The following CRTAM variants were observed in gnomAD, a reference collection of about 807,000 sequenced individuals.
CRTAM encodes the protein cytotoxic and regulatory T cell molecule.
In CRTAM, 44 loss-of-function variants were observed where a neutral mutation model predicts 50.0. The ratio of observed to expected loss-of-function variants is 0.88; its 90% confidence interval spans 0.69 to 1.13. The LOEUF (loss-of-function observed/expected upper bound fraction) is 1.13. CRTAM is among the 50% of genes most tolerant of loss of function. The pLI is 0.00. For missense variants in CRTAM, 448 were observed against 457.5 expected, an observed-to-expected ratio of 0.98 and a Z score of 0.19; for synonymous variants, 159 against 169.3, an observed-to-expected ratio of 0.94 and a Z score of 0.47.
At chr11:122,852,562 T>C (rs886562660) in intron 3 of CRTAM, among the ~76,000 whole-genome samples, 1 of 152,166 alleles carries the variant, frequency 6.6e-6, no homozygotes, top group Non-Finnish European at 1.5e-5. Flanking sequence ...CCTGTTGAAT[T>C]ACTGCAGTGT....
At chr11:122,843,610 C>T (rs541189498) in intron 1 of CRTAM, among the ~76,000 whole-genome samples, 1 of 152,226 alleles carries the variant, frequency 6.6e-6, no homozygotes, top group South Asian at 2.1e-4. Context: ...TGGGGATGTA[C>T]ATGTCTCTAG....
intron 5 of CRTAM, among the ~76,000 whole-genome samples, chr11:122,858,995 T>A (rs1177292058): frequency 6.6e-6 from 1 of 152,160 alleles, no homozygotes; most frequent in East Asian, 1.9e-4. Flanking sequence ...CTTATATAGG[T>A]GATGTCTGTC....
At chr11:122,857,157 T>C (rs117319306) in intron 5 of CRTAM, among the ~76,000 whole-genome samples, 2 of 152,216 alleles carry the variant, frequency 1.3e-5, no homozygotes, top group African/African-American at 4.8e-5. Flanking sequence ...CTCAAAATTA[T>C]AGCTAAAGAT....
At chr11:122,853,125 G>A (rs1335542988) in intron 3 of CRTAM, among the ~76,000 whole-genome samples, 3 of 151,136 alleles carry the variant, frequency 2.0e-5, no homozygotes, top group African/African-American at 4.9e-5. Context: ...GTGCAGTGGC[G>A]CAAACTCGGC....
intron 1 of CRTAM, among the ~76,000 whole-genome samples, chr11:122,846,015 A>G (rs1473181449): frequency 6.6e-6 from 1 of 152,140 alleles, no homozygotes; most frequent in Non-Finnish European, 1.5e-5. Context: ...TAAAGAGAAA[A>G]AAAACAATGA....
intron 9 of CRTAM, among the ~76,000 whole-genome samples, chr11:122,870,344 G>T (rs530707594): frequency 4.6e-5 from 7 of 152,120 alleles, no homozygotes; most frequent in African/African-American, 1.4e-4. Context: ...GCCTCCCAAA[G>T]TGCTGGGATT....
At chr11:122,848,582 G>T (rs1394831649) in intron 1 of CRTAM, among the ~76,000 whole-genome samples, 1 of 152,208 alleles carries the variant, frequency 6.6e-6, no homozygotes, top group Admixed American at 6.5e-5. Flanking sequence ...ATTTCTGCTA[G>T]AGGCTAGATT....
At chr11:122,839,078 GCCA>G (rs1861768642) in intron 1 of CRTAM, among the ~76,000 whole-genome samples, 1 of 151,896 alleles carries the variant, frequency 6.6e-6, no homozygotes, top group Non-Finnish European at 1.5e-5. Context: ...ACAGGTGCCC[GCCA>G]CCACCACGCC....
intron 1 of CRTAM, among the ~76,000 whole-genome samples, chr11:122,846,994 A>C (rs1244619485): frequency 6.6e-6 from 1 of 152,194 alleles, no homozygotes; most frequent in Non-Finnish European, 1.5e-5. Flanking sequence ...TTTCTTTGTA[A>C]AGCAAGAGTC....
intron 1 of CRTAM, among the ~76,000 whole-genome samples, chr11:122,844,517 T>C (rs1297513675): frequency 6.6e-6 from 1 of 152,244 alleles, no homozygotes; most frequent in Non-Finnish European, 1.5e-5. Flanking sequence ...TCCAGTAGCT[T>C]CCTTCCTGTT....
intron 5 of CRTAM, among the ~76,000 whole-genome samples, chr11:122,860,565 A>G (rs922021233): frequency 1.3e-5 from 2 of 152,188 alleles, no homozygotes; most frequent in African/African-American, 4.8e-5. Context: ...GTAAATACAG[A>G]GTCTAGTTTT....
chr11:122,867,668 T>C (rs1862197204), intron 8 of CRTAM, 113 bp downstream of exon 8: 1 of 1,067,510 alleles, frequency 9.4e-7, no homozygotes, highest in Middle Eastern at 2.4e-4. Context: ...ATCTATTTGA[T>C]AAGTGCTGTC....
intron 1 of CRTAM, among the ~76,000 whole-genome samples, chr11:122,841,452 G>A (rs993137374): frequency 2.7e-5 from 4 of 149,992 alleles, no homozygotes; most frequent in South Asian, 2.1e-4. Flanking sequence ...CCAGGCTGGA[G>A]TGCAGTGGTG....
rs533016781 is a variant in CRTAM at position 122,855,799 on chromosome 11, C to T, written c.595C>T (p.Arg199Ter). ...GKNSTVDCII[R>*]HRGLQGRKLV... ...AAATTCAACGGTGGACTGCATTATC[C>T]GACACAGAGGCCTGCAAGGGAGAAA... Residue 199 changes from arginine (R) to a stop codon, truncating the protein, a stop_gained, in exon 5 of 10, where the codon CGA (arginine) becomes TGA (stop). Transcript: ENST00000227348. LOFTEE classifies it high-confidence loss of function. 1.4e-5 allele frequency: 23 copies of T among 1,613,898 alleles called. No homozygotes were observed. The highest frequency in any genetic ancestry group is 6.6e-5 in the South Asian group (6 of 91,080).
Position 122,867,950 on chromosome 11 carries a change from A to G in CRTAM, c.965-63A>G, listed in dbSNP as rs1209497931. 4 of 1,000,672 alleles carry G rather than the reference A, an allele frequency of 4.0e-6. No individual in the cohort carries two copies. In the African/African-American group the frequency reaches 6.4e-5, roughly 16 times the overall value. The allele number at this position is 1,000,672 out of a possible 1,614,324, so 62.0% of individuals were successfully genotyped here. On this transcript the variant is annotated intron_variant, in intron 8 of 9. Coordinates refer to ENST00000227348, the MANE Select transcript of CRTAM (RefSeq NM_019604.4). Reference sequence around the variant, plus strand: ...CAGTAACAGAGGTATTATCTTATTCAAATATACATTTCTACATGTCCATGG... The same window carrying G: ...CAGTAACAGAGGTATTATCTTATTCGAATATACATTTCTACATGTCCATGG...
At chr11:122,845,258 A>G (rs562106561) in intron 1 of CRTAM, among the ~76,000 whole-genome samples, 1 of 152,318 alleles carries the variant, frequency 6.6e-6, no homozygotes, top group African/African-American at 2.4e-5. Flanking sequence ...TGAATAAGAT[A>G]TGGTCTGAGA....
At chr11:122,867,693 G>T (rs556135830) in intron 8 of CRTAM, 138 bp downstream of exon 8, 8 of 894,374 alleles carry the variant, frequency 8.9e-6, no homozygotes, top group Non-Finnish European at 1.3e-5. Flanking sequence ...ATAAGCAATT[G>T]TTTGTTTTCT....
chr11:122,852,928 T>C (rs966681725), intron 3 of CRTAM, among the ~76,000 whole-genome samples: 11 of 152,150 alleles, frequency 7.2e-5, no homozygotes, highest in Non-Finnish European at 1.5e-5. Flanking sequence ...ATGGGTGAGT[T>C]AAGTAAATGG....
At chr11:122,854,140 A>AT (rs1861973746) in intron 4 of CRTAM, 54 bp downstream of exon 4, 6 of 1,583,774 alleles carry the variant, frequency 3.8e-6, no homozygotes, top group African/African-American at 1.4e-5. Flanking sequence ...TTTCCAGGGG[A>AT]TTTTTAAATG....
Sources: gnomAD v4.1 joint callset for allele counts (sites outside exome capture counted in the v4.1 genomes callset) on GRCh38, gnomAD v4.1.1 for gene constraint, MANE v1.5 for transcripts, NCBI Gene and HGNC (gene_info 2026-07-23, HGNC 2026-07-21) for gene names.